Variants in GPM6A observed in about 807,000 individuals in gnomAD.
GPM6A encodes glycoprotein M6A, also known as neuronal membrane glycoprotein M6-a.
GPM6A carries 7 observed loss-of-function variants against 32.1 expected under a neutral mutation model. That is an observed-to-expected ratio of 0.22 (90% CI 0.12 to 0.41). The LOEUF is 0.41. Ranked by LOEUF, GPM6A falls within the 10% of genes least tolerant of loss-of-function variation. GPM6A has a pLI of 1.00. For missense variants in GPM6A, 235 were observed against 347.2 expected (o/e 0.68, Z 2.57); for synonymous variants, 130 against 123.4 (o/e 1.05, Z -0.35).
chr4:175,793,364 CTATTTATTTATT>C (rs5864347), intron 1 of GPM6A, among the ~76,000 whole-genome samples: 12 of 149,726 alleles, frequency 8.0e-5, no homozygotes, highest in East Asian at 4.0e-4. Context: ...CTATTCTATT[CTATTTATTTATT>C]TATTTATTTA....
At chr4:175,816,990 G>A (rs1052171206), upstream of GPM6A, among the ~76,000 whole-genome samples, 1 of 152,092 alleles carries the variant, frequency 6.6e-6, no homozygotes, top group African/African-American at 2.4e-5. Flanking sequence ...CTCCCGAGGA[G>A]CTGGGACTAC....
intron 2 of GPM6A, among the ~76,000 whole-genome samples, chr4:175,693,183 C>A (rs17061801): frequency 6.6e-6 from 1 of 151,298 alleles, no homozygotes; most frequent in African/African-American, 2.4e-5. Flanking sequence ...GTGAGTGGCA[C>A]GTAGTATCAC....
chr4:175,865,713 T>C (rs1259470927), intron 1 of GPM6A, among the ~76,000 whole-genome samples: 1 of 152,216 alleles, frequency 6.6e-6, no homozygotes, highest in Non-Finnish European at 1.5e-5. Flanking sequence ...TTTGAGACTT[T>C]TTTTCTTACT....
chr4:175,942,955 T>C (rs1033948292), intron 1 of GPM6A, among the ~76,000 whole-genome samples: 3 of 152,224 alleles, frequency 2.0e-5, no homozygotes, highest in African/African-American at 7.2e-5. Context: ...GCATTGAATC[T>C]ATAAATTACT....
intron 2 of GPM6A, among the ~76,000 whole-genome samples, chr4:175,700,812 T>C (rs1391675916): frequency 6.6e-6 from 1 of 152,156 alleles, no homozygotes; most frequent in East Asian, 1.9e-4. Flanking sequence ...GGCATAAAAA[T>C]CACTGAATAA....
chr4:175,710,763 C>T (rs969945534), intron 1 of GPM6A, among the ~76,000 whole-genome samples: 18 of 152,338 alleles, frequency 1.2e-4, no homozygotes, highest in Non-Finnish European at 2.1e-4. Context: ...TTCTGCCTTA[C>T]ACACAACTTT....
chr4:175,955,581 A>G (rs1186843593), intron 1 of GPM6A, among the ~76,000 whole-genome samples: 4 of 152,160 alleles, frequency 2.6e-5, no homozygotes, highest in Non-Finnish European at 5.9e-5. Context: ...TTTCAGGAAG[A>G]TTTATTTTCA....
intron 2 of GPM6A, among the ~76,000 whole-genome samples, chr4:175,696,709 T>C (rs1481807419): frequency 2.0e-5 from 3 of 152,176 alleles, no homozygotes; most frequent in Admixed American, 1.3e-4. Context: ...CCTAGTTCAG[T>C]ACAGGCAGTT....
chr4:175,709,856 T>C (rs906621428), intron 1 of GPM6A, among the ~76,000 whole-genome samples: 3 of 152,108 alleles, frequency 2.0e-5, no homozygotes, highest in Non-Finnish European at 4.4e-5. Context: ...GAAGCTCAGG[T>C]TGATAAAGGA....
intron 1 of GPM6A, among the ~76,000 whole-genome samples, chr4:175,873,645 T>C (rs1013699360): frequency 4.6e-5 from 7 of 152,198 alleles, no homozygotes; most frequent in African/African-American, 1.7e-4. Flanking sequence ...AGGCACTTAA[T>C]TTCTGTTACA....
intron 1 of GPM6A, among the ~76,000 whole-genome samples, chr4:175,843,809 T>A (rs1451648254): frequency 1.3e-5 from 2 of 152,192 alleles, no homozygotes; most frequent in Admixed American, 6.6e-5. Flanking sequence ...GATACAGTCA[T>A]GACTAATGAC....
intron 2 of GPM6A, among the ~76,000 whole-genome samples, chr4:175,692,884 C>T (rs534368749): frequency 6.6e-6 from 1 of 152,156 alleles, no homozygotes; most frequent in East Asian, 1.9e-4. Context: ...TGAGTACTTA[C>T]ATGGACTTGG....
intron 1 of GPM6A, among the ~76,000 whole-genome samples, chr4:175,732,061 G>GGTTC (rs757269924): frequency 3.4e-4 from 51 of 150,460 alleles, no homozygotes; most frequent in Admixed American, 1.0e-3. Context: ...CTGCCTCCTG[G>GGTTC]GTTCAAGCGA....
At chr4:175,994,037 A>G (rs1028782714) in intron 1 of GPM6A, among the ~76,000 whole-genome samples, 1 of 152,166 alleles carries the variant, frequency 6.6e-6, no homozygotes, top group Non-Finnish European at 1.5e-5. Flanking sequence ...GAGAGAAAGG[A>G]GAGTTTTGAA....
At chr4:175,859,645 G>T (rs1298043004) in intron 1 of GPM6A, among the ~76,000 whole-genome samples, 2 of 152,102 alleles carry the variant, frequency 1.3e-5, no homozygotes, top group Non-Finnish European at 2.9e-5. Flanking sequence ...ATCTAGACAA[G>T]ATTCTCTCCC....
At chr4:175,895,389 C>T (rs1737765576) in intron 1 of GPM6A, among the ~76,000 whole-genome samples, 1 of 151,956 alleles carries the variant, frequency 6.6e-6, no homozygotes, top group Non-Finnish European at 1.5e-5. Flanking sequence ...ACAATGCATC[C>T]TATCTTTTCA....
chr4:175,636,745 G>C (rs1333564690), intron 6 of GPM6A, among the ~76,000 whole-genome samples: 1 of 150,024 alleles, frequency 6.7e-6, no homozygotes, highest in Non-Finnish European at 1.5e-5. Context: ...TCAGTGAGCT[G>C]AGATCATGAT....
intron 1 of GPM6A, among the ~76,000 whole-genome samples, chr4:175,935,820 G>A (rs1194286775): frequency 1.3e-5 from 2 of 151,934 alleles, no homozygotes; most frequent in African/African-American, 4.8e-5. Context: ...ATGTTCAAGA[G>A]TAAGTGTTCT....
At chr4:175,641,534 G>A (rs931145079) in intron 4 of GPM6A, 1 of 152,240 alleles carries the variant, frequency 6.6e-6, no homozygotes, top group African/African-American at 2.4e-5. Context: ...AAGTAACCAA[G>A]TTCATCTGAG....
Sources: gnomAD v4.1 joint callset for allele counts (sites outside exome capture counted in the v4.1 genomes callset) on GRCh38, gnomAD v4.1.1 for gene constraint, MANE v1.5 for transcripts, NCBI Gene and HGNC (gene_info 2026-07-23, HGNC 2026-07-21) for gene names.